SND1: variants seen among roughly 807,000 people sequenced by gnomAD.
SND1 encodes the protein staphylococcal nuclease domain-containing protein 1.
In SND1, 38 loss-of-function variants were observed where a neutral mutation model predicts 121.7. The observed-to-expected ratio is 0.31, with a 90% CI of 0.24 to 0.41. The LOEUF (loss-of-function observed/expected upper bound fraction) is 0.41, where lower values mean the gene tolerates loss of function less well. Among genes scored for constraint, SND1 ranks in the 10% least tolerant of loss-of-function variants. The pLI, the probability that SND1 is intolerant of heterozygous loss-of-function variation, is 1.00. For missense variants in SND1, 868 were observed against 1,184.6 expected (o/e 0.73, Z 3.92); for synonymous variants, 401 against 447.4 (o/e 0.90, Z 1.31).
chr7:127,870,405 G>A (rs1799562362), intron 12 of SND1, among the ~76,000 whole-genome samples: 1 of 152,076 alleles, frequency 6.6e-6, no homozygotes, highest in South Asian at 2.1e-4. Flanking sequence ...TTAACAATTG[G>A]GATACCTTCT....
At chr7:127,943,232 T>G (rs1010247805) in intron 15 of SND1, among the ~76,000 whole-genome samples, 1 of 152,212 alleles carries the variant, frequency 6.6e-6, no homozygotes, top group African/African-American at 2.4e-5. Context: ...ATCTATTGAT[T>G]CATAGTTTCT....
At chr7:127,847,824 A>G (rs1304252679) in intron 12 of SND1, among the ~76,000 whole-genome samples, 1 of 152,232 alleles carries the variant, frequency 6.6e-6, no homozygotes, top group African/African-American at 2.4e-5. Flanking sequence ...TGGCAAGGAG[A>G]CAGGAGGCAG....
At chr7:128,059,291 G>A (rs1793193532) in intron 16 of SND1, among the ~76,000 whole-genome samples, 1 of 152,166 alleles carries the variant, frequency 6.6e-6, no homozygotes, top group South Asian at 2.1e-4. Flanking sequence ...GCAGTCATGT[G>A]TTTTACATGG....
intron 12 of SND1, among the ~76,000 whole-genome samples, chr7:127,865,168 A>G (rs894839166): frequency 5.3e-5 from 8 of 150,980 alleles, no homozygotes; most frequent in Non-Finnish European, 8.9e-5. Flanking sequence ...TGATGATTAC[A>G]TTAGTGTATC....
intron 10 of SND1, among the ~76,000 whole-genome samples, chr7:127,787,986 G>A (rs980362583): frequency 6.6e-6 from 1 of 152,170 alleles, no homozygotes; most frequent in African/African-American, 2.4e-5. Context: ...TTTCAGGAAT[G>A]CATATATTCT....
chr7:127,797,422 C>A (rs530045238), intron 10 of SND1, among the ~76,000 whole-genome samples: 1 of 152,368 alleles, frequency 6.6e-6, no homozygotes, highest in South Asian at 2.1e-4. Context: ...GCCTTGTTCT[C>A]TTCAGGAATT....
intron 15 of SND1, among the ~76,000 whole-genome samples, chr7:127,984,671 G>A (rs148875152): frequency 6.6e-6 from 1 of 152,356 alleles, no homozygotes; most frequent in Non-Finnish European, 1.5e-5. Flanking sequence ...CACAGTGCCT[G>A]CCCTAAGATG....
chr7:127,776,607 G>A (rs1033622556), intron 10 of SND1, among the ~76,000 whole-genome samples: 1 of 152,088 alleles, frequency 6.6e-6, no homozygotes, highest in Non-Finnish European at 1.5e-5. Context: ...AATCAAAGGA[G>A]GTACATATTT....
intron 12 of SND1, among the ~76,000 whole-genome samples, chr7:127,845,294 G>A (rs770900683): frequency 1.3e-5 from 2 of 152,224 alleles, no homozygotes; most frequent in Non-Finnish European, 2.9e-5. Flanking sequence ...CTCCTAACAG[G>A]AGCCTCTTTC....
At chr7:127,971,368 C>T (rs1386169862) in intron 15 of SND1, among the ~76,000 whole-genome samples, 1 of 152,166 alleles carries the variant, frequency 6.6e-6, no homozygotes, top group Non-Finnish European at 1.5e-5. Flanking sequence ...TTATGGCTGT[C>T]ATGTCTGCTA....
chr7:128,028,823 G>C (rs780904540), intron 16 of SND1: 1 of 1,614,204 alleles, frequency 6.2e-7, no homozygotes, highest in South Asian at 1.1e-5. Flanking sequence ...AGGTGTTGTA[G>C]TTAATATGGT....
chr7:127,849,539 A>G (rs986290273), intron 12 of SND1, among the ~76,000 whole-genome samples: 26 of 152,206 alleles, frequency 1.7e-4, no homozygotes, highest in Admixed American at 1.6e-3. Context: ...TCATCCATGG[A>G]AAACTGTCAC....
intron 10 of SND1, among the ~76,000 whole-genome samples, chr7:127,766,771 C>CAAAAAAAAAAAAAAAAAA (rs59243807): frequency 3.0e-5 from 1 of 33,212 alleles, no homozygotes; most frequent in Non-Finnish European, 5.8e-5. Context: ...GACTTTGTCT[C>CAAAAAAAAAAAAAAAAAA]AAAAAAAAAA....
At chr7:127,838,921 G>A (rs559307204) in intron 11 of SND1, among the ~76,000 whole-genome samples, 3 of 152,276 alleles carry the variant, frequency 2.0e-5, no homozygotes, top group East Asian at 1.9e-4. Flanking sequence ...TAGATAGAAC[G>A]TACAATGATT....
intron 16 of SND1, among the ~76,000 whole-genome samples, chr7:128,014,311 C>T (rs1719006954): frequency 6.6e-6 from 1 of 152,122 alleles, no homozygotes; most frequent in Non-Finnish European, 1.5e-5. Context: ...CTTTGAATCT[C>T]CTGGATGTTT....
chr7:127,701,431 T>A, intron 5 of SND1, 108 bp downstream of exon 5: 1 of 1,150,714 alleles, frequency 8.7e-7, no homozygotes, highest in Non-Finnish European at 1.2e-6. Context: ...TATACTTATT[T>A]AGTATCCATG....
At chr7:127,871,100 C>T (rs1360246062) in intron 12 of SND1, among the ~76,000 whole-genome samples, 2 of 152,266 alleles carry the variant, frequency 1.3e-5, no homozygotes, top group South Asian at 2.1e-4. Context: ...TCTTCCACCT[C>T]TATATCTTGT....
At chr7:127,740,939 CT>C (rs891135536) in intron 10 of SND1, among the ~76,000 whole-genome samples, 1 of 152,206 alleles carries the variant, frequency 6.6e-6, no homozygotes, top group Non-Finnish European at 1.5e-5. Flanking sequence ...TTCTTTTACA[CT>C]TTGGAGAATT....
chr7:127,858,335 C>A, intron 12 of SND1: 1 of 1,307,060 alleles, frequency 7.7e-7, no homozygotes, highest in Non-Finnish European at 1.1e-6. Flanking sequence ...GCCTCCTCCT[C>A]GGGCCCCCAG....
Sources: gnomAD v4.1 joint callset for allele counts (sites outside exome capture counted in the v4.1 genomes callset) on GRCh38, gnomAD v4.1.1 for gene constraint, MANE v1.5 for transcripts, NCBI Gene and HGNC (gene_info 2026-07-23, HGNC 2026-07-21) for gene names.